Variants in PCDH15 observed in about 807,000 individuals in gnomAD.
PCDH15 encodes the protein protocadherin related 15, also known as protocadherin-15.
A neutral mutation model predicts 178.5 loss-of-function variants in PCDH15; 129 were observed. The observed-to-expected ratio is 0.72, with a 90% CI of 0.63 to 0.84. The LOEUF is 0.84. PCDH15 is among the 40% of genes least tolerant of loss of function. The pLI, the probability that PCDH15 is intolerant of heterozygous loss-of-function variation, is 0.00. For missense variants in PCDH15, 2,230 were observed against 2,099.9 expected (o/e 1.06, Z -1.21); for synonymous variants, 800 against 732.0 (o/e 1.09, Z -1.50).
At chr10:54,197,320 A>T (rs1276239456) in intron 10 of PCDH15, among the ~76,000 whole-genome samples, 3 of 152,074 alleles carry the variant, frequency 2.0e-5, no homozygotes, top group African/African-American at 4.8e-5. Flanking sequence ...TCTGTTTTTT[A>T]AAAAATATAT....
At chr10:53,970,855 G>C (rs964135815) in intron 21 of PCDH15, among the ~76,000 whole-genome samples, 4 of 152,150 alleles carry the variant, frequency 2.6e-5, no homozygotes, top group Non-Finnish European at 4.4e-5. Flanking sequence ...AATTCTACCA[G>C]AGGTACAAAG....
chr10:54,636,900 A>C (rs1035171663), intron 2 of PCDH15, among the ~76,000 whole-genome samples: 2 of 152,148 alleles, frequency 1.3e-5, no homozygotes, highest in African/African-American at 2.4e-5. Flanking sequence ...ACACAACGTC[A>C]TATCAAGGCA....
At chr10:53,910,615 G>A (rs1338282764) in intron 25 of PCDH15, among the ~76,000 whole-genome samples, 2 of 152,150 alleles carry the variant, frequency 1.3e-5, no homozygotes, top group African/African-American at 4.8e-5. Flanking sequence ...TCCTCCAAAG[G>A]ATCACAGCTC....
At chr10:54,601,265 AT>A (rs1469256483) in intron 2 of PCDH15, among the ~76,000 whole-genome samples, 1 of 151,986 alleles carries the variant, frequency 6.6e-6, no homozygotes, top group Non-Finnish European at 1.5e-5. Context: ...GGGAGAAATT[AT>A]TTGCAGATTA....
intron 2 of PCDH15, among the ~76,000 whole-genome samples, chr10:54,577,993 G>A (rs1930159): frequency 0.76 from 116,354 of 152,116 alleles, 44,720 homozygotes; most frequent in East Asian, 0.84. Flanking sequence ...AAGTAAATTA[G>A]GATTAAATTG....
At chr10:53,826,757 AGG>A (rs1290333398) in intron 32 of PCDH15, among the ~76,000 whole-genome samples, 2 of 152,158 alleles carry the variant, frequency 1.3e-5, no homozygotes, top group Non-Finnish European at 2.9e-5. Context: ...CAAATCGTGC[AGG>A]AGAAATATTC....
chr10:55,484,535 G>GA (rs1275328232), intron 2 of PCDH15, among the ~76,000 whole-genome samples: 6 of 151,466 alleles, frequency 4.0e-5, no homozygotes, highest in Non-Finnish European at 7.4e-5. Context: ...CATAAAAATG[G>GA]AAAAATAATC....
chr10:54,852,434 G>T (rs570172027), intron 3 of PCDH15, among the ~76,000 whole-genome samples: 5 of 152,266 alleles, frequency 3.3e-5, no homozygotes, highest in African/African-American at 1.2e-4. Flanking sequence ...TGGAGGATGT[G>T]ACATTAGGCC....
chr10:55,624,536 T>A (rs1422839293), intron 2 of PCDH15, among the ~76,000 whole-genome samples: 2 of 152,156 alleles, frequency 1.3e-5, no homozygotes, highest in African/African-American at 4.8e-5. Context: ...TCTTTTTGTC[T>A]ATTGATATGT....
intron 2 of PCDH15, among the ~76,000 whole-genome samples, chr10:55,080,566 T>G (rs1484357509): frequency 6.6e-6 from 1 of 152,026 alleles, no homozygotes; most frequent in Non-Finnish European, 1.5e-5. Flanking sequence ...GGGTAGTACA[T>G]TATTTGGTCC....
intron 2 of PCDH15, among the ~76,000 whole-genome samples, chr10:55,365,537 C>T (rs529251001): frequency 6.6e-6 from 1 of 152,064 alleles, no homozygotes; most frequent in Non-Finnish European, 1.5e-5. Flanking sequence ...CAAATCTCAT[C>T]TTGAATTATA....
At chr10:54,686,037 G>A (rs4935540) in intron 1 of PCDH15, among the ~76,000 whole-genome samples, 31,464 of 110,308 alleles carry the variant, frequency 0.29, 3,711 homozygotes, top group Middle Eastern at 0.44. Context: ...GAGCAAGACA[G>A]CCAATTTTTT....
At chr10:54,000,057 T>C (rs1219707806) in intron 20 of PCDH15, among the ~76,000 whole-genome samples, 1 of 152,120 alleles carries the variant, frequency 6.6e-6, no homozygotes, top group African/African-American at 2.4e-5. Context: ...GCCTGGTAAT[T>C]AAGGGAATTC....
At chr10:55,030,131 G>A (rs1427359964) in intron 2 of PCDH15, among the ~76,000 whole-genome samples, 1 of 152,140 alleles carries the variant, frequency 6.6e-6, no homozygotes, top group Non-Finnish European at 1.5e-5. Flanking sequence ...TAGAAATTAA[G>A]TCAGTTTCCA....
chr10:55,303,321 T>C lies in PCDH15; in HGVS notation c.-156+16278A>G, dbSNP rs182185299. On this transcript the variant is annotated intron_variant, in intron 1 of 5. Transcript: ENST00000458638. Reference sequence around the variant, plus strand: ...ACTGAAGGGTTTGGGCTGTTAGTAGTCTTGCTTGAATCAGATTGTTGTAGT... The same window carrying C: ...ACTGAAGGGTTTGGGCTGTTAGTAGCCTTGCTTGAATCAGATTGTTGTAGT... 2.6e-5 allele frequency among the ~76,000 whole-genome samples: 4 copies of C among 152,296 alleles called. No individual in the cohort carries two copies. The East Asian group carries it at 7.7e-4, about 29-fold the overall frequency.
At chr10:54,713,925 A>G (rs2095451015) in intron 1 of PCDH15, among the ~76,000 whole-genome samples, 1 of 152,126 alleles carries the variant, frequency 6.6e-6, no homozygotes, top group Non-Finnish European at 1.5e-5. Flanking sequence ...AGAAGAACCA[A>G]ATGGCTCACA....
chr10:55,085,653 A>G (rs1564785603), intron 2 of PCDH15, among the ~76,000 whole-genome samples: 1 of 151,802 alleles, frequency 6.6e-6, no homozygotes, highest in Admixed American at 6.6e-5. Flanking sequence ...CAAAAAAATT[A>G]TTAAACTGTT....
intron 1 of PCDH15, among the ~76,000 whole-genome samples, chr10:55,303,788 G>T (rs1469156926): frequency 2.0e-5 from 3 of 151,484 alleles, no homozygotes; most frequent in Non-Finnish European, 4.4e-5. Flanking sequence ...GATAAATTGT[G>T]CCTGTCTCTG....
At chr10:55,215,321 T>C (rs1840674622) in intron 1 of PCDH15, among the ~76,000 whole-genome samples, 1 of 152,148 alleles carries the variant, frequency 6.6e-6, no homozygotes, top group African/African-American at 2.4e-5. Context: ...CAAGTGATAA[T>C]TCAGTGTGTA....
Sources: gnomAD v4.1 joint callset for allele counts (sites outside exome capture counted in the v4.1 genomes callset) on GRCh38, gnomAD v4.1.1 for gene constraint, MANE v1.5 for transcripts, NCBI Gene and HGNC (gene_info 2026-07-23, HGNC 2026-07-21) for gene names.